The following KMT2B variants were observed in gnomAD, a reference collection of about 807,000 sequenced individuals.
KMT2B encodes the protein histone-lysine N-methyltransferase 2B.
A neutral mutation model predicts 255.3 loss-of-function variants in KMT2B; 22 were observed. That is an observed-to-expected ratio of 0.09 (90% CI 0.06 to 0.12). KMT2B has a LOEUF of 0.12. Ranked by LOEUF, KMT2B falls within the 10% of genes least tolerant of loss-of-function variation. KMT2B has a pLI of 1.00. For missense variants in KMT2B, 3,149 were observed against 3,737.0 expected, an observed-to-expected ratio of 0.84 and a Z score of 4.10; for synonymous variants, 1,730 against 1,498.1, an observed-to-expected ratio of 1.15 and a Z score of -3.57.
chr19:35,735,994 G>A (rs761417468), intron 30 of KMT2B: 1 of 152,644 alleles, frequency 6.6e-6, no homozygotes, highest in African/African-American at 2.4e-5. Context: ...GCTGGGCACA[G>A]TGGCTCACGC....
In KMT2B at chr19:35,721,112, C is replaced by T. The variant is rs751715820; in HGVS notation, c.1765C>T (p.Pro589Ser). 3.1e-6 allele frequency: 5 copies of T among 1,610,218 alleles called. No homozygotes were observed. The highest frequency in any genetic ancestry group is 4.5e-5 in the East Asian group (2 of 44,600). Reference sequence around the variant, plus strand: ...CCCCTCTCCACCACGTGCCCCAACTCCTCCATCTACCCCAGTTCCACTCCC... The same window carrying T: ...CCCCTCTCCACCACGTGCCCCAACTTCTCCATCTACCCCAGTTCCACTCCC... ...PVPSPPRAPT[P>S]PSTPVPLPEK... Residue 589 changes from proline to serine, a missense_variant, in exon 3 of 37, where the codon CCT (proline) becomes TCT (serine). This residue lies in a region of KMT2B where 1,188 missense variants were observed against 1,106.4 expected (regional missense o/e 1.07). Coordinates refer to ENST00000420124, the MANE Select transcript of KMT2B (RefSeq NM_014727.3).
rs1291162998 is a variant in KMT2B, at chr19:35,737,609, T to C, written c.7551-27T>C. On this transcript the variant is annotated intron_variant, in intron 33 of 36. Transcript: ENST00000420124. This position sits in a 1 kb window ranked among gnomAD's most constrained non-coding sequence, Gnocchi z 5.3. ...GTTAGCTCTGTCTTCAACAGTATAT[T>C]CCTCCTTCCCCTGCTGCCACCTGCA... is the stretch of plus-strand genomic sequence containing the variant. 2.1e-6 allele frequency: 3 copies of C among 1,460,232 alleles called. No homozygotes were observed. Among genetic ancestry groups the C allele is most frequent in the South Asian group, 2.5e-5 (2 of 81,394 alleles). The allele number at this position is 1,460,232 out of a possible 1,614,324, so 90.5% of individuals were successfully genotyped here.
At position 35,736,834 on chromosome 19, in the gene KMT2B, G is replaced by A. The variant is rs201555369; in HGVS notation, c.7297+7G>A. ...GAGGCAGAGAGCTTGGAGGGTGAGT[G>A]GGGGGAGTGCAGTGGCAGGAGGGAG... is the stretch of plus-strand genomic sequence containing the variant. On this transcript the variant is annotated splice_region_variant and intron_variant, in intron 31 of 36. Transcript: ENST00000420124. 1.1e-5 allele frequency: 18 copies of A among 1,613,788 alleles called. No homozygotes were observed. The highest frequency in any genetic ancestry group is 1.6e-4 in the Middle Eastern group (1 of 6,084).
Position 35,727,975 on chromosome 19 carries a change from T to G in KMT2B, c.4487T>G (p.Leu1496Arg). 6.4e-7 allele frequency: 1 copy of G among 1,568,780 alleles called. No individual in the cohort carries two copies. The highest frequency in any genetic ancestry group is 8.7e-7 in the Non-Finnish European group (1 of 1,155,124). ...DRRAGGQMKG[L>R]LLKLLESAFG... ...CGGGCTGGAGGCCAGATGAAGGGGC[T>G]CCTGCTGAAGGTGAGCTCTTCCGGG... The change falls in exon 18 of 37, where the codon CTC (leucine) becomes CGC (arginine). Residue 1496 changes from leucine to arginine, a missense_variant. By Grantham distance (102) the Leu-to-Arg change is moderately radical. Transcript: ENST00000420124. This position sits in a 1 kb window ranked among gnomAD's most constrained non-coding sequence, Gnocchi z 4.2.
At position 35,730,333 on chromosome 19, in the gene KMT2B, C is replaced by G. The variant is rs1473262008; in HGVS notation, c.5077-9C>G. The G allele has an allele frequency of 6.2e-7, 1 of 1,609,810 alleles. No individual in the cohort carries two copies. Among genetic ancestry groups the G allele is most frequent in the Non-Finnish European group, 8.5e-7 (1 of 1,176,426 alleles). ...TGCAGCCACCTCACTTTGCCACCCC[C>G]TCTTCCAGGAAATTGTGAACCCCGA... On this transcript the variant is annotated splice_polypyrimidine_tract_variant and intron_variant, in intron 23 of 36. Coordinates refer to ENST00000420124, the MANE Select transcript of KMT2B (RefSeq NM_014727.3).
Position 35,719,814 on chromosome 19 carries a change from A to G in KMT2B, c.467A>G (p.His156Arg), listed in dbSNP as rs1969108742. ...GRAPRGRGRK[H>R]KTTPLPPPRL... ...GCGCCCCGAGGTCGGGGTCGCAAGCATAAGACGACCCCCCTTCCTCCTCCT... is the reference window on the plus strand; with the variant it reads ...GCGCCCCGAGGTCGGGGTCGCAAGCGTAAGACGACCCCCCTTCCTCCTCCT... Residue 156 changes from histidine (H) to arginine (R), a missense_variant, in exon 3 of 37, where the codon CAT (histidine) becomes CGT (arginine). His to Arg is a conservative substitution (Grantham distance 29). Transcript: ENST00000420124. 3 of 1,607,648 alleles carry G rather than the reference A, an allele frequency of 1.9e-6. No individual in the cohort carries two copies. The highest frequency in any genetic ancestry group is 2.2e-5 in the East Asian group (1 of 44,800).
Position 35,738,231 on chromosome 19 carries a change from G to A in KMT2B, c.7872+40G>A, listed in dbSNP as rs755712964. The A allele has an allele frequency of 1.9e-6, 3 of 1,613,502 alleles. No homozygotes were observed. The highest frequency in any genetic ancestry group is 1.7e-5 in the Admixed American group (1 of 59,994). ...GCTGTGGGAAGACAGTGGGTGAAGC[G>A]AGCCTGTCCGCGGGGACAGAGCACC... On this transcript the variant is annotated intron_variant, in intron 36 of 36. Transcript: ENST00000420124. This position sits in a 1 kb window ranked among gnomAD's most constrained non-coding sequence, Gnocchi z 8.7.
At position 35,731,272 on chromosome 19, in the gene KMT2B, G is replaced by A. The variant is rs574620147; in HGVS notation, c.5437+405G>A. On this transcript the variant is annotated intron_variant, in intron 26 of 36. Transcript: ENST00000420124. ...ACTGCATCTGCTCAGCTCCCAAACC[G>A]GCCCCCTTACAGCCACACTGGCTGT... Among the ~76,000 whole-genome samples, 8 of 152,342 alleles carry A rather than the reference G, an allele frequency of 5.3e-5. No individual in the cohort carries two copies. The South Asian group carries it at 1.2e-3, about 24-fold the overall frequency.
rs1337197475 is a variant in KMT2B at position 35,721,090 on chromosome 19, C to T, written c.1743C>T (p.Pro581=). The T allele has an allele frequency of 6.2e-7, 1 of 1,611,324 alleles. No individual in the cohort carries two copies. Residue 581 remains proline, a synonymous_variant, in exon 3 of 37, where the codon CCC becomes CCT. Transcript: ENST00000420124. ...TTCCCCAGGAGCCAGCACCAGTCCCCTCTCCACCACGTGCCCCAACTCCTC... is the reference window on the plus strand; with the variant it reads ...TTCCCCAGGAGCCAGCACCAGTCCCTTCTCCACCACGTGCCCCAACTCCTC... ...PPVPQEPAPV[P]SPPRAPTPPS...
At chr19:35,734,924 T>C (rs193067482) in intron 30 of KMT2B, among the ~76,000 whole-genome samples, 373 of 152,320 alleles carry the variant, frequency 2.4e-3, no homozygotes, top group African/African-American at 8.3e-3. Flanking sequence ...GCTGCTTATG[T>C]CTCAGAGATG....
Position 35,733,175 on chromosome 19 carries a change from A to G in KMT2B, c.6626A>G (p.Glu2209Gly). ...TTTGTGAAGATGGCTGGGGAGGGTG[A>G]ACCTGTCCCACCCCCAGTGAAGCAG... ...QVFVKMAGEG[E>G]PVPPPVKQPP... The change falls in exon 28 of 37, where the codon GAA (glutamate) becomes GGA (glycine). Residue 2209 changes from glutamate (E) to glycine (G), a missense_variant. Glu to Gly is a moderately conservative substitution (Grantham distance 98). Coordinates refer to ENST00000420124, the MANE Select transcript of KMT2B (RefSeq NM_014727.3). The surrounding 1 kb of genome is among the most constrained non-coding windows in gnomAD (Gnocchi z 4.3). 1.9e-6 allele frequency: 3 copies of G among 1,561,560 alleles called. No individual in the cohort carries two copies. The South Asian group carries it at 3.5e-5, about 18-fold the overall frequency.
At position 35,737,539 on chromosome 19, in the gene KMT2B, A is replaced by G. The variant is rs1406275813; in HGVS notation, c.7551-97A>G. The G allele has an allele frequency of 1.1e-6, 1 of 890,316 alleles. No homozygotes were observed. The highest frequency in any genetic ancestry group is 2.7e-5 in the East Asian group (1 of 37,328). The allele number at this position is 890,316 out of a possible 1,614,324, so 55.2% of individuals were successfully genotyped here. A position where few individuals can be genotyped will look rare whatever the true frequency, so the allele number is the denominator to read the frequency against. ...TCTAAAATAAAAATTTAAAAAAGTT[A>G]TTTCTAGAGCTGACATCAGAAAAAT... On this transcript the variant is annotated intron_variant, in intron 33 of 36. Transcript: ENST00000420124. The surrounding 1 kb of genome is among the most constrained non-coding windows in gnomAD (Gnocchi z 5.3).
In KMT2B at chr19:35,721,638, CG is replaced by C. The variant is rs1969215905; in HGVS notation, c.2292del (p.Ser765HisfsTer24). 6.2e-7 allele frequency: 1 copy of C among 1,611,050 alleles called. No homozygotes were observed. Among genetic ancestry groups the C allele is most frequent in the East Asian group, 2.2e-5 (1 of 44,882 alleles). ...PPPQPQLQPP[P>X]SPQQMPPLEK... Reference sequence around the variant, plus strand: ...CCACAGCCACAGCTGCAGCCACCGCCGTCACCACAGCAGATGCCTCCCCTGG... The same window carrying C: ...CCACAGCCACAGCTGCAGCCACCGCCTCACCACAGCAGATGCCTCCCCTGG... On this transcript the variant is annotated frameshift_variant, in exon 3 of 37. Transcript: ENST00000420124. LOFTEE classifies it high-confidence loss of function.
At position 35,723,810 on chromosome 19, in the gene KMT2B, G is replaced by A. The variant is rs779455230; in HGVS notation, c.3137G>A (p.Arg1046His). The A allele has an allele frequency of 5.7e-6, 9 of 1,592,464 alleles. No homozygotes were observed. Among genetic ancestry groups the A allele is most frequent in the Admixed American group, 1.8e-5 (1 of 56,334 alleles). ...GCCTCCCCTGGTCCTCCAGGCCCAC[G>A]CCGGGGGGCGGGAGCTGGGGGGCCC... ...PEASPGPPGP[R>H]RGAGAGGPRE... is the part of the protein sequence containing the mutation. The change falls in exon 8 of 37, where the codon CGC becomes CAC. Residue 1046 changes from arginine (R) to histidine (H), a missense_variant. Coordinates refer to ENST00000420124, the MANE Select transcript of KMT2B (RefSeq NM_014727.3). The surrounding 1 kb of genome is among the most constrained non-coding windows in gnomAD (Gnocchi z 7.5).
At chr19:35,728,231 A>G in intron 19 of KMT2B, 60 bp downstream of exon 19, 1 of 1,444,396 alleles carries the variant, frequency 6.9e-7, no homozygotes, top group Non-Finnish European at 9.5e-7. Flanking sequence ...CAGGGCATGC[A>G]GGGGCCACGC....
rs942168751 is a variant in KMT2B at position 35,733,604 on chromosome 19, C to T, written c.6967C>T (p.Arg2323Cys). The T allele has an allele frequency of 3.1e-5, 49 of 1,580,122 alleles. No homozygotes were observed. The highest frequency in any genetic ancestry group is 4.0e-5 in the Non-Finnish European group (46 of 1,163,332). Reference sequence around the variant, plus strand: ...TCGGGCTCGCCCTCCCAGGTTTAGCCGTGTGAGGATGAAAACCCCCACAGT... The same window carrying T: ...TCGGGCTCGCCCTCCCAGGTTTAGCTGTGTGAGGATGAAAACCCCCACAGT... The part of the protein sequence containing the change: ...VPGLGSGGFS[R>C]VRMKTPTVRG... Residue 2323 changes from arginine to cysteine, a missense_variant, in exon 29 of 37, where the codon CGT becomes TGT. Around this residue, in one of 18 missense-constraint regions of KMT2B, gnomAD observed 897 missense variants for 825.3 expected, o/e 1.09. Transcript: ENST00000420124. The surrounding 1 kb of genome is among the most constrained non-coding windows in gnomAD (Gnocchi z 4.3).
intron 30 of KMT2B, among the ~76,000 whole-genome samples, chr19:35,734,131 C>G (rs1329357855): frequency 2.0e-5 from 3 of 152,138 alleles, no homozygotes; most frequent in Non-Finnish European, 4.4e-5. Flanking sequence ...GGGAGGGCCT[C>G]AGAGCCTAGC....
Position 35,725,802 on chromosome 19 carries a change from G to A in KMT2B, c.3869G>A (p.Arg1290His), listed in dbSNP as rs866662490. The A allele has an allele frequency of 5.7e-6, 9 of 1,581,138 alleles. No homozygotes were observed. The highest frequency in any genetic ancestry group is 1.8e-5 in the Admixed American group (1 of 54,386). ...CCCAGCTATCCAACCCGGGCCACGC[G>A]CAAACGGCGCCACTGGGTGAGAGAT... ...LGPSYPTRAT[R>H]KRRHWICSAC... Residue 1290 changes from arginine (R) to histidine (H), a missense_variant, in exon 13 of 37, where the codon CGC (arginine) becomes CAC (histidine). By Grantham distance (29) the Arg-to-His change is conservative. Coordinates refer to ENST00000420124, the MANE Select transcript of KMT2B (RefSeq NM_014727.3). The surrounding 1 kb of genome is among the most constrained non-coding windows in gnomAD (Gnocchi z 4.1).
Position 35,733,841 on chromosome 19 carries a change from G to C in KMT2B, c.7128G>C (p.Leu2376=). ...AGGTCCCCGATGGTCCCCCAGACCT[G>C]CTGCTTGAGTCCCAGTGGCACCACT... The part of the protein sequence containing the change: ...PPQVPDGPPD[L]LLESQWHHYS... Residue 2376 remains leucine, a synonymous_variant, in exon 30 of 37, where the codon CTG becomes CTC. Transcript: ENST00000420124. The surrounding 1 kb of genome is among the most constrained non-coding windows in gnomAD (Gnocchi z 4.3). The C allele has an allele frequency of 1.2e-6, 2 of 1,613,646 alleles. No homozygotes were observed. The highest frequency in any genetic ancestry group is 2.2e-5 in the South Asian group (2 of 91,076).
Sources: allele counts gnomAD v4.1 joint callset (sites outside exome capture counted in the v4.1 genomes callset), GRCh38; gene constraint gnomAD v4.1.1; regional missense constraint gnomAD v4.1.1; non-coding constraint Gnocchi (gnomAD v3.1); transcripts MANE v1.5; gene names NCBI Gene and HGNC (gene_info 2026-07-23, HGNC 2026-07-21).